FMR1NB: variants seen among roughly 807,000 people sequenced by gnomAD.
The protein encoded by FMR1NB is FMR1 neighbor.
FMR1NB carries 10 observed loss-of-function variants against 16.8 expected under a neutral mutation model. The ratio of observed to expected loss-of-function variants is 0.60; its 90% CI spans 0.37 to 1.01. FMR1NB has a LOEUF of 1.01. FMR1NB is among the 50% of genes least tolerant of loss of function. The pLI is 0.01. For synonymous variants in FMR1NB, 83 were observed against 79.1 expected (o/e 1.05, Z -0.26); for missense variants, 205 against 204.8 (o/e 1.00, Z 0.00).
At chrX:147,997,996 ACT>A (rs2044551263) in intron 1 of FMR1NB, among the ~76,000 whole-genome samples, 1 of 112,640 alleles carries the variant, frequency 8.9e-6, no homozygotes, top group African/African-American at 3.2e-5. Context: ...ACGCTTTTAC[ACT>A]GTTGATGGGA....
intron 4 of FMR1NB, among the ~76,000 whole-genome samples, chrX:148,013,113 T>A (rs2044633322): frequency 8.9e-6 from 1 of 111,785 alleles, no homozygotes; most frequent in Non-Finnish European, 1.9e-5. Context: ...ATAAAGCTGG[T>A]ACTTCTTGGA....
At chrX:148,011,427 T>C (rs1557189615) in intron 4 of FMR1NB, among the ~76,000 whole-genome samples, 1 of 111,761 alleles carries the variant, frequency 8.9e-6, no homozygotes, top group African/African-American at 3.3e-5. Context: ...ATTCATTGAA[T>C]GTTTGCCTGT....
chrX:148,017,621 T>G (rs1398233811), intron 4 of FMR1NB, among the ~76,000 whole-genome samples: 3 of 108,506 alleles, frequency 2.8e-5, no homozygotes, highest in Non-Finnish European at 5.7e-5. Context: ...TAGTTACATA[T>G]GTATACATGT....
At chrX:147,991,443 CA>C (rs1676320761) in intron 1 of FMR1NB, among the ~76,000 whole-genome samples, 1 of 109,909 alleles carries the variant, frequency 9.1e-6, no homozygotes, top group Non-Finnish European at 1.9e-5. Context: ...TCTCCCCTAA[CA>C]AAATTCTAAC....
At chrX:147,994,124 T>A (rs1214525428) in intron 1 of FMR1NB, among the ~76,000 whole-genome samples, 1 of 111,423 alleles carries the variant, frequency 9.0e-6, no homozygotes, top group Non-Finnish European at 1.9e-5. Context: ...GCCTTTGAGC[T>A]CCAGACCCAA....
chrX:147,991,679 T>C (rs2044505967), intron 1 of FMR1NB, among the ~76,000 whole-genome samples: 1 of 103,648 alleles, frequency 9.6e-6, no homozygotes, highest in African/African-American at 3.6e-5. Context: ...TATTTTTTTA[T>C]TGATAATTCT....
intron 1 of FMR1NB, among the ~76,000 whole-genome samples, chrX:147,994,534 T>A (rs1410764556): frequency 8.9e-6 from 1 of 112,568 alleles, no homozygotes; most frequent in African/African-American, 3.2e-5. Context: ...ATTACTGTAT[T>A]TGTAATAGTA....
chrX:148,005,746 T>C (rs139089173), intron 2 of FMR1NB, among the ~76,000 whole-genome samples: 1,621 of 111,958 alleles, frequency 0.014, 32 homozygotes, highest in African/African-American at 0.05. Context: ...TAATGGTAGA[T>C]ATTATTATTT....
intron 1 of FMR1NB, among the ~76,000 whole-genome samples, chrX:147,989,306 G>C (rs2044492092): frequency 8.9e-6 from 1 of 112,058 alleles, no homozygotes; most frequent in African/African-American, 3.2e-5. Context: ...CCCAGACCCT[G>C]TTTTCCTGGT....
At chrX:148,010,773 TG>T (rs200490529) in intron 4 of FMR1NB, among the ~76,000 whole-genome samples, 1,214 of 111,332 alleles carry the variant, frequency 0.011, 16 homozygotes, top group African/African-American at 0.036. Context: ...GACCTTTTTT[TG>T]CTCTTTCATC....
At chrX:148,020,160 GAAGAGCCCTACCTTGTGGCAA>G (rs2044671463) in intron 4 of FMR1NB, among the ~76,000 whole-genome samples, 1 of 106,991 alleles carries the variant, frequency 9.3e-6, no homozygotes, top group African/African-American at 3.7e-5. Context: ...TCTACAGGCA[GAAGAGCCCTACCTTGTGGCAA>G]TCAACACTGC....
intron 4 of FMR1NB, among the ~76,000 whole-genome samples, chrX:148,009,740 A>G (rs1449269499): frequency 1.8e-5 from 2 of 111,530 alleles, no homozygotes; most frequent in Non-Finnish European, 3.8e-5. Context: ...AAGGTTAAGC[A>G]TGTTTTATGT....
intron 1 of FMR1NB, among the ~76,000 whole-genome samples, chrX:147,991,647 C>CTTTTTTTTTTTTT (rs782065632): frequency 1.0e-4 from 9 of 87,337 alleles, no homozygotes; most frequent in African/African-American, 3.9e-4. Flanking sequence ...GGCCTTCCTT[C>CTTTTTTTTTTTTT]TTTTTTTTTT....
chrX:147,988,327 A>T (rs968714616), intron 1 of FMR1NB, among the ~76,000 whole-genome samples: 2 of 103,173 alleles, frequency 1.9e-5, no homozygotes, highest in African/African-American at 8.3e-5. Context: ...AAGAATATTA[A>T]ATATTGGCCC....
intron 1 of FMR1NB, among the ~76,000 whole-genome samples, chrX:147,997,988 G>A (rs2044551176): frequency 8.9e-6 from 1 of 112,454 alleles, no homozygotes; most frequent in Admixed American, 9.4e-5. Flanking sequence ...AAACAGGAAC[G>A]CTTTTACACT....
chrX:148,020,863 G>A (rs1429885717), intron 4 of FMR1NB, among the ~76,000 whole-genome samples: 1 of 111,982 alleles, frequency 8.9e-6, no homozygotes, highest in African/African-American at 3.2e-5. Context: ...GTTAGGGGAG[G>A]GGTGGCACCA....
At chrX:147,997,763 A>AG (rs2044549576) in intron 1 of FMR1NB, among the ~76,000 whole-genome samples, 1 of 111,397 alleles carries the variant, frequency 9.0e-6, no homozygotes, top group Non-Finnish European at 1.9e-5. Context: ...AATTTACAAG[A>AG]GAAAAAAAAA....
intron 1 of FMR1NB, among the ~76,000 whole-genome samples, chrX:147,989,077 C>T (rs1375818948): frequency 8.9e-6 from 1 of 111,855 alleles, no homozygotes; most frequent in African/African-American, 3.3e-5. Context: ...GGCGAAGAGG[C>T]ATTCTGGTTT....
intron 4 of FMR1NB, among the ~76,000 whole-genome samples, chrX:148,023,432 A>T (rs1251752781): frequency 9.0e-6 from 1 of 111,421 alleles, no homozygotes; most frequent in Non-Finnish European, 1.9e-5. Flanking sequence ...ATACAGTTTT[A>T]GGGGAGAAAA....
Sources: allele counts gnomAD v4.1 joint callset (sites outside exome capture counted in the v4.1 genomes callset), GRCh38; gene constraint gnomAD v4.1.1; transcripts MANE v1.5; gene names NCBI Gene and HGNC (gene_info 2026-07-23, HGNC 2026-07-21).